Variants in ARHGAP29 observed in about 807,000 individuals in gnomAD.
ARHGAP29 encodes rho GTPase-activating protein 29.
ARHGAP29 carries 43 observed loss-of-function variants against 122.6 expected under a neutral mutation model. The observed-to-expected ratio is 0.35, with a 90% CI of 0.27 to 0.45. ARHGAP29 has a LOEUF of 0.45. Ranked by LOEUF, ARHGAP29 falls within the 20% of genes least tolerant of loss-of-function variation. ARHGAP29 has a pLI of 1.00. For missense variants in ARHGAP29, 1,303 were observed against 1,477.2 expected, an observed-to-expected ratio of 0.88 and a Z score of 1.93; for synonymous variants, 506 against 497.1, an observed-to-expected ratio of 1.02 and a Z score of -0.24.
At chr1:94,214,689 T>C (rs1388079306) in intron 3 of ARHGAP29, among the ~76,000 whole-genome samples, 2 of 152,300 alleles carry the variant, frequency 1.3e-5, no homozygotes. Flanking sequence ...CAAAAGCTCA[T>C]TAAAATGTTG....
intron 12 of ARHGAP29, chr1:94,190,469 A>G (rs1650068224): frequency 6.3e-6 from 1 of 159,040 alleles, no homozygotes; most frequent in Non-Finnish European, 1.4e-5. Context: ...CTTCCAATCA[A>G]AGAACTATTA....
At chr1:94,185,722 GAAT>G (rs941329307) in intron 16 of ARHGAP29, among the ~76,000 whole-genome samples, 4 of 152,096 alleles carry the variant, frequency 2.6e-5, no homozygotes, top group African/African-American at 9.7e-5. Context: ...TCACTGCTAT[GAAT>G]AATAACATGA....
At position 94,207,272 on chromosome 1, in the gene ARHGAP29, G is replaced by A. The variant is rs543552602; in HGVS notation, c.510+1560C>T. On this transcript the variant is annotated intron_variant, in intron 5 of 22. Coordinates refer to ENST00000260526, the MANE Select transcript of ARHGAP29 (RefSeq NM_004815.4). ...GATCCGCCCACTTCGCCCTCCCAAAGTACGAGATTACAGGTATGAGCCACC... is the reference window on the plus strand; with the variant it reads ...GATCCGCCCACTTCGCCCTCCCAAAATACGAGATTACAGGTATGAGCCACC... Among the ~76,000 whole-genome samples, 18 of 152,042 alleles carry A rather than the reference G, an allele frequency of 1.2e-4. No homozygotes were observed. In the East Asian group the frequency reaches 3.5e-3, roughly 29 times the overall value.
At chr1:94,190,146 A>C in intron 12 of ARHGAP29, 63 bp from the exon 13 acceptor site, 1 of 1,519,630 alleles carries the variant, frequency 6.6e-7, no homozygotes, top group Non-Finnish European at 9.0e-7. Context: ...ATAAACATAC[A>C]TTTATTTCAA....
intron 1 of ARHGAP29, among the ~76,000 whole-genome samples, chr1:94,273,223 A>T (rs1400888316): frequency 6.6e-6 from 1 of 152,230 alleles, no homozygotes; most frequent in African/African-American, 2.4e-5. Context: ...CTGTAACTCC[A>T]TTTAAGCTCC....
chr1:94,275,957 TA>T (rs60193789), upstream of ARHGAP29, among the ~76,000 whole-genome samples: 37,470 of 148,426 alleles, frequency 0.25, 4,977 homozygotes, highest in East Asian at 0.46. Flanking sequence ...TTTTCAACCT[TA>T]AAAAAAAAAA....
At chr1:94,180,921 T>C (rs1160049641) in intron 19 of ARHGAP29, among the ~76,000 whole-genome samples, 1 of 152,216 alleles carries the variant, frequency 6.6e-6, no homozygotes, top group Non-Finnish European at 1.5e-5. Flanking sequence ...ATGAGATTTA[T>C]AGTCATTCAA....
At position 94,205,077 on chromosome 1, in the gene ARHGAP29, T is replaced by C. The variant is rs201001778; in HGVS notation, c.681A>G (p.Glu227=). The C allele has an allele frequency of 1.3e-6, 2 of 1,570,826 alleles. No homozygotes were observed. The highest frequency in any genetic ancestry group is 1.7e-4 in the Middle Eastern group (1 of 5,874). The change falls in exon 7 of 23, where the codon GAA becomes GAG. Residue 227 remains glutamate, a synonymous_variant. Coordinates refer to ENST00000260526, the MANE Select transcript of ARHGAP29 (RefSeq NM_004815.4). Reference sequence around the variant, plus strand: ...GCAACTCACCCAAGTTAAGCTTTTTTTCAACCCATGAAACTATGTTCTTAG... The same window carrying C: ...GCAACTCACCCAAGTTAAGCTTTTTCTCAACCCATGAAACTATGTTCTTAG... ...KYTKNIVSWV[E]KKLNLELEST...
chr1:94,270,644 T>G (rs1426546361), intron 1 of ARHGAP29, among the ~76,000 whole-genome samples: 2 of 152,190 alleles, frequency 1.3e-5, no homozygotes, highest in Non-Finnish European at 2.9e-5. Flanking sequence ...TTGGCACCTA[T>G]GCCATGCAGG....
intron 12 of ARHGAP29, among the ~76,000 whole-genome samples, chr1:94,197,428 T>C (rs951653243): frequency 3.3e-5 from 5 of 152,212 alleles, no homozygotes; most frequent in Non-Finnish European, 7.3e-5. Context: ...AGGAATGTTA[T>C]CAAACTTTTA....
rs377417799 is a variant in ARHGAP29 at position 94,177,641 on chromosome 1, G to T, written c.2876C>A (p.Ala959Glu). The T allele has an allele frequency of 1.9e-6, 3 of 1,610,728 alleles. No homozygotes were observed. The highest frequency in any genetic ancestry group is 2.7e-5 in the African/African-American group (2 of 74,314). Reference sequence around the variant, plus strand: ...GAGACATGCATCACATTTTCCTAACGCATTTTGCTTGCGTTCTGATTCCTC... The same window carrying T: ...GAGACATGCATCACATTTTCCTAACTCATTTTGCTTGCGTTCTGATTCCTC... ...SFEESERKQN[A>E]LGKCDACLSD... The change falls in exon 22 of 23, where the codon GCG becomes GAG. Residue 959 changes from alanine (A) to glutamate (E), a missense_variant. Physicochemically the swap from Ala to Glu is moderately radical, Grantham distance 107. Around this residue, in one of 3 missense-constraint regions of ARHGAP29, gnomAD observed 620 missense variants for 651.2 expected, o/e 0.95. Coordinates refer to ENST00000260526, the MANE Select transcript of ARHGAP29 (RefSeq NM_004815.4).
In ARHGAP29 at chr1:94,209,298, T is replaced by C. The variant is rs1181053637; in HGVS notation, c.393A>G (p.Glu131=). 6.2e-7 allele frequency: 1 copy of C among 1,610,272 alleles called. No individual in the cohort carries two copies. The highest frequency in any genetic ancestry group is 1.1e-5 in the South Asian group (1 of 90,426). The change falls in exon 4 of 23, where the codon GAA becomes GAG. Residue 131 remains glutamate (E), a synonymous_variant. Transcript: ENST00000260526. ...CCAAAGTTTCAATAGAAGAAAACAC[T>C]TCCTGGAAGAGATCGTTTTTGTTTT... ...NEENKNDLFQ[E]VFSSIETLAF...
At chr1:94,207,542 G>A (rs1651282646) in intron 5 of ARHGAP29, among the ~76,000 whole-genome samples, 1 of 21,850 alleles carries the variant, frequency 4.6e-5, no homozygotes, top group Non-Finnish European at 2.3e-4. Context: ...AAATTGTTCA[G>A]TGTCTTGCCA....
intron 12 of ARHGAP29, chr1:94,192,550 C>T (rs1489786169): frequency 1.3e-5 from 2 of 152,210 alleles, no homozygotes; most frequent in South Asian, 2.1e-4. Context: ...ATCCCTAAGA[C>T]ACAATCTTAT....
At chr1:94,231,744 GC>G (rs1652931037) in intron 1 of ARHGAP29, 101 bp from the exon 2 acceptor site, 3 of 810,370 alleles carry the variant, frequency 3.7e-6, no homozygotes, top group Non-Finnish European at 5.8e-6. Context: ...TTCACAAACA[GC>G]CCACAGCTCA....
intron 5 of ARHGAP29, 61 bp downstream of exon 5, chr1:94,208,771 A>G: frequency 6.5e-7 from 1 of 1,533,906 alleles, no homozygotes; most frequent in Non-Finnish European, 9.0e-7. Context: ...AAGATTAGGC[A>G]ATAGTTGAAA....
At chr1:94,291,657 A>C in the ARHGAP29 span, among the ~76,000 whole-genome samples, 2 of 152,152 alleles carry the variant, frequency 1.3e-5, no homozygotes, top group Non-Finnish European at 2.9e-5. Context: ...GTGATGACAA[A>C]ATCTGTCAGC....
At chr1:94,300,641 A>T in the ARHGAP29 span, among the ~76,000 whole-genome samples, 2 of 152,178 alleles carry the variant, frequency 1.3e-5, no homozygotes, top group African/African-American at 2.4e-5. Flanking sequence ...GTGGGTGATA[A>T]TCCATCCTAT....
chr1:94,201,633 A>G, intron 12 of ARHGAP29, 87 bp downstream of exon 12: 1 of 1,535,576 alleles, frequency 6.5e-7, no homozygotes, highest in African/African-American at 1.4e-5. Flanking sequence ...TCAGCCTCCC[A>G]AAGTGCTGGG....
Sources: gnomAD v4.1 joint callset for allele counts (sites outside exome capture counted in the v4.1 genomes callset) on GRCh38, gnomAD v4.1.1 for gene constraint, gnomAD v4.1.1 regional missense constraint, MANE v1.5 for transcripts, NCBI Gene and HGNC (gene_info 2026-07-23, HGNC 2026-07-21) for gene names.